Variants in CFAP221 observed in about 807,000 individuals in gnomAD.
The protein encoded by CFAP221 is cilia- and flagella-associated protein 221.
CFAP221 carries 97 observed loss-of-function variants against 113.1 expected under a neutral mutation model. That is an observed-to-expected ratio of 0.86 (90% CI 0.73 to 1.02). CFAP221 has a LOEUF of 1.02. Ranked by LOEUF, CFAP221 falls within the 50% of genes least tolerant of loss-of-function variation. The pLI is 0.00. For synonymous variants in CFAP221, 331 were observed against 354.4 expected, an observed-to-expected ratio of 0.93 and a Z score of 0.74; for missense variants, 1,025 against 1,013.4, an observed-to-expected ratio of 1.01 and a Z score of -0.16.
intron 7 of CFAP221, among the ~76,000 whole-genome samples, chr2:119,589,089 T>A (rs532077093): frequency 1.8e-4 from 27 of 152,290 alleles, no homozygotes; most frequent in Admixed American, 6.5e-4. Context: ...ACCTGCATTG[T>A]GTGGATGGTG....
chr2:119,640,011 T>C (rs928825353), intron 21 of CFAP221, 139 bp downstream of exon 21: 2 of 673,950 alleles, frequency 3.0e-6, no homozygotes, highest in Non-Finnish European at 5.1e-6. Context: ...TCAAAGAAAT[T>C]TGATGATGTG....
chr2:119,642,998 C>G (rs1396906230), intron 21 of CFAP221, among the ~76,000 whole-genome samples: 2 of 151,912 alleles, frequency 1.3e-5, no homozygotes, highest in Admixed American at 1.3e-4. Context: ...GCTATGTTGC[C>G]CGGGCTGATC....
intron 6 of CFAP221, among the ~76,000 whole-genome samples, chr2:119,575,908 C>A (rs1574039879): frequency 6.6e-6 from 1 of 152,138 alleles, no homozygotes; most frequent in South Asian, 2.1e-4. Context: ...ACTTCCTTTA[C>A]CAAGTATGAA....
In CFAP221 at chr2:119,638,367, C is replaced by T. The variant is rs61978572; in HGVS notation, c.2083C>T (p.Arg695Cys). ...HPKYKFTKES[R>C]HGSSIPVTQK... is the part of the protein sequence containing the mutation. ...CAAGTACAAATTCACCAAAGAGTCCCGCCACGGGTCCAGCATTCCTGTCAC... is the reference window on the plus strand; with the variant it reads ...CAAGTACAAATTCACCAAAGAGTCCTGCCACGGGTCCAGCATTCCTGTCAC... The change falls in exon 20 of 24, where the codon CGC becomes TGC. Residue 695 changes from arginine to cysteine, a missense_variant. Physicochemically the swap from Arg to Cys is radical, Grantham distance 180. Coordinates refer to ENST00000413369, the MANE Select transcript of CFAP221 (RefSeq NM_001271049.2). 165 of 1,614,054 alleles carry T rather than the reference C, an allele frequency of 1.0e-4. No homozygotes were observed. The highest frequency in any genetic ancestry group is 1.3e-4 in the Non-Finnish European group (148 of 1,180,026).
At chr2:119,587,769 G>A (rs1683321585) in intron 7 of CFAP221, among the ~76,000 whole-genome samples, 2 of 151,986 alleles carry the variant, frequency 1.3e-5, no homozygotes, top group Admixed American at 1.3e-4. Flanking sequence ...GGTCTACTGT[G>A]GACAGATATT....
intron 8 of CFAP221, 129 bp downstream of exon 8, chr2:119,601,506 A>G (rs1423120084): frequency 6.9e-6 from 6 of 863,582 alleles, no homozygotes; most frequent in East Asian, 2.7e-5. Flanking sequence ...ATGAGCCAAC[A>G]TAAGATATAC....
chr2:119,601,478 A>C (rs1190761703), intron 8 of CFAP221, 101 bp downstream of exon 8: 3 of 1,136,642 alleles, frequency 2.6e-6, no homozygotes, highest in African/African-American at 1.6e-5. Flanking sequence ...GAATGTCATC[A>C]AAAACTTATT....
chr2:119,621,538 G>A (rs182457949), intron 14 of CFAP221, among the ~76,000 whole-genome samples: 1 of 152,206 alleles, frequency 6.6e-6, no homozygotes, highest in African/African-American at 2.4e-5. Context: ...TGGACCAAGT[G>A]GACCTAATAA....
chr2:119,578,186 AG>A (rs1332134115), intron 6 of CFAP221, among the ~76,000 whole-genome samples: 5 of 152,252 alleles, frequency 3.3e-5, no homozygotes, highest in African/African-American at 7.2e-5. Flanking sequence ...GGAAGATACC[AG>A]TTGCTTAGGC....
At chr2:119,638,109 T>C (rs1273716412) in intron 19 of CFAP221, 150 bp from the exon 20 acceptor site, 1 of 669,874 alleles carries the variant, frequency 1.5e-6, no homozygotes, top group Non-Finnish European at 2.4e-6. Context: ...ACACCTCTGC[T>C]CTCCTGCTTC....
intron 11 of CFAP221, among the ~76,000 whole-genome samples, chr2:119,607,212 C>G (rs1024927911): frequency 2.0e-5 from 3 of 152,144 alleles, no homozygotes; most frequent in Admixed American, 6.5e-5. Flanking sequence ...AGGCTGGTCT[C>G]GAACTCCTGA....
At chr2:119,617,172 G>A (rs1574144531) in intron 14 of CFAP221, among the ~76,000 whole-genome samples, 1 of 152,158 alleles carries the variant, frequency 6.6e-6, no homozygotes, top group Non-Finnish European at 1.5e-5. Flanking sequence ...TGTCTTCCAG[G>A]CAGTCTTCTC....
intron 6 of CFAP221, chr2:119,586,893 A>C: frequency 2.5e-6 from 1 of 394,796 alleles, no homozygotes; most frequent in Non-Finnish European, 4.5e-6. Flanking sequence ...CTTGTGCCTC[A>C]GTTTCCTCTT....
At chr2:119,593,561 C>T (rs1414053866) in intron 7 of CFAP221, among the ~76,000 whole-genome samples, 2 of 152,038 alleles carry the variant, frequency 1.3e-5, no homozygotes, top group African/African-American at 2.4e-5. Flanking sequence ...CTCTCTTGGC[C>T]GGGCATGGTG....
intron 1 of CFAP221, 108 bp from the exon 2 acceptor site, chr2:119,545,977 G>C: frequency 1.3e-6 from 1 of 757,952 alleles, no homozygotes; most frequent in Non-Finnish European, 2.0e-6. Flanking sequence ...GCCAGGGAGG[G>C]CATGAACCAC....
At chr2:119,573,521 A>G (rs1682215696) in intron 6 of CFAP221, 2 of 152,152 alleles carry the variant, frequency 1.3e-5, no homozygotes, top group Admixed American at 6.5e-5. Context: ...GCAAATTGAT[A>G]TTTGCATAAA....
At chr2:119,589,383 T>C (rs79359685) in intron 7 of CFAP221, among the ~76,000 whole-genome samples, 28,683 of 152,210 alleles carry the variant, frequency 0.19, 2,859 homozygotes, top group African/African-American at 0.25. Flanking sequence ...TGGCTTGACT[T>C]GGAGGCCATA....
Position 119,622,642 on chromosome 2 carries a change from CA to C in CFAP221, c.1411-2940del, listed in dbSNP as rs541664467. Among the ~76,000 whole-genome samples the C allele has an allele frequency of 4.0e-3, 606 of 152,236 alleles. 2 individuals carry two copies. The highest frequency in any genetic ancestry group is 0.014 in the African/African-American group (586 of 41,514). On this transcript the variant is annotated intron_variant, in intron 14 of 23. Transcript: ENST00000413369. ...CAATAAAATACTGGCAAACCAAATC[CA>C]GGAGCACATCAAAAAGGTTATCCAT...
chr2:119,556,546 A>T (rs111591069), intron 3 of CFAP221, among the ~76,000 whole-genome samples: 4,278 of 151,324 alleles, frequency 0.028, 89 homozygotes, highest in Non-Finnish European at 0.041. Flanking sequence ...CTTATTGCTA[A>T]ATTTTTTTTC....
Sources: gnomAD v4.1 joint callset for allele counts (sites outside exome capture counted in the v4.1 genomes callset) on GRCh38, gnomAD v4.1.1 for gene constraint, MANE v1.5 for transcripts, NCBI Gene and HGNC (gene_info 2026-07-23, HGNC 2026-07-21) for gene names.